Variants in C18orf32 observed in about 807,000 individuals in gnomAD.
The protein encoded by C18orf32 is UPF0729 protein C18orf32.
In C18orf32, 5 loss-of-function variants were observed where a neutral mutation model predicts 7.4. The ratio of observed to expected loss-of-function variants is 0.68; its 90% CI spans 0.35 to 1.42. The LOEUF (loss-of-function observed/expected upper bound fraction) is 1.42, where lower values mean the gene tolerates loss of function less well. C18orf32 is among the 40% of genes most tolerant of loss of function. C18orf32 has a pLI of 0.04. For missense variants in C18orf32, 88 were observed against 92.4 expected, an observed-to-expected ratio of 0.95 and a Z score of 0.19; for synonymous variants, 30 against 29.3, an observed-to-expected ratio of 1.02 and a Z score of -0.08.
rs1662364610 is a variant in C18orf32 at position 49,478,776 on chromosome 18, G to T, written c.*3569C>A. 1 of 150,314 alleles carries T rather than the reference G, an allele frequency of 6.7e-6. No individual in the cohort carries two copies. Among genetic ancestry groups the T allele is most frequent in the African/African-American group, 2.5e-5 (1 of 39,682 alleles). The allele number at this position is 150,314 out of a possible 1,614,324, so 9.3% of individuals were successfully genotyped here. ...CAGTGGCTACCAACTCCAGCCCATG[G>T]ATAACTGATAAAAGCTTTTAACAAT... On this transcript the variant is annotated 3_prime_UTR_variant, in exon 3 of 3. Transcript: ENST00000318240.
Position 49,477,811 on chromosome 18 carries a change from T to TATACAC in C18orf32, c.*4533_*4534insGTGTAT, listed in dbSNP as rs143285813. On this transcript the variant is annotated 3_prime_UTR_variant, in exon 3 of 3. Transcript: ENST00000318240. ...ACAAACAAACAAAAATATATATATATACACACACTATATATATATACACAT... is the reference window on the plus strand; with the variant it reads ...ACAAACAAACAAAAATATATATATATATACACACACACACTATATATATATACACAT... 8.8e-6 allele frequency: 1 copy of TATACAC among 113,366 alleles called. No individual in the cohort carries two copies. The highest frequency in any genetic ancestry group is 9.8e-5 in the Admixed American group (1 of 10,232). The allele number at this position is 113,366 out of a possible 1,614,324, so 7.0% of individuals were successfully genotyped here.
chr18:49,486,487 T>C (rs2083747903), intron 1 of C18orf32: 1 of 152,114 alleles, frequency 6.6e-6, no homozygotes, highest in East Asian at 1.9e-4. Flanking sequence ...TGAAGCCTAT[T>C]TGTATCTTAT....
chr18:49,482,641 C>T (rs1413276193), intron 2 of C18orf32, among the ~76,000 whole-genome samples: 1 of 151,092 alleles, frequency 6.6e-6, no homozygotes, highest in African/African-American at 2.4e-5. Flanking sequence ...GCAGGAGAAT[C>T]GTTTGAACCT....
chr18:49,483,875 G>T (rs889100365), intron 1 of C18orf32, 104 bp from the exon 2 acceptor site: 89 of 1,345,122 alleles, frequency 6.6e-5, no homozygotes, highest in Non-Finnish European at 8.6e-5. Flanking sequence ...GGTGGCTCAC[G>T]CCTGTAATCC....
At chr18:49,486,256 T>C (rs940390905) in intron 1 of C18orf32, 2 of 152,130 alleles carry the variant, frequency 1.3e-5, no homozygotes, top group African/African-American at 4.8e-5. Flanking sequence ...TTTACCAAAC[T>C]TTCCAAACCA....
chr18:49,482,494 T>TCAA, intron 2 of C18orf32, 84 bp from the exon 3 acceptor site: 20 of 899,978 alleles, frequency 2.2e-5, no homozygotes, highest in South Asian at 7.0e-5. Context: ...TTTGGGAGGC[T>TCAA]GAGGCAGGCA....
chr18:49,481,741 G>GT lies in C18orf32; in HGVS notation c.*603dup, dbSNP rs1310318560. The GT allele has an allele frequency of 6.6e-6, 1 of 152,206 alleles. No homozygotes were observed. Among genetic ancestry groups the GT allele is most frequent in the Non-Finnish European group, 1.5e-5 (1 of 68,052 alleles). 9.4% of individuals were successfully genotyped at this position (152,206 alleles called of 1,614,324 possible). A position where few individuals can be genotyped will look rare whatever the true frequency, so the allele number is the denominator to read the frequency against. ...TAAAATTTTATAATTAGACATTAATGTAACAGATGTTTCATTTTTCAAAGA... is the reference window on the plus strand; with the variant it reads ...TAAAATTTTATAATTAGACATTAATGTTAACAGATGTTTCATTTTTCAAAGA... On this transcript the variant is annotated 3_prime_UTR_variant, in exon 3 of 3. Transcript: ENST00000318240.
At position 49,483,771 on chromosome 18, in the gene C18orf32, AC is replaced by A. The variant is rs1249244734; in HGVS notation, c.-23-1del. ...CATTTTCCCAAGCTTGAGCTCCTCA[AC>A]TGTTGATATATGTGAAGAAAAAAAT... On this transcript the variant is annotated splice_acceptor_variant, in intron 1 of 2. Coordinates refer to ENST00000318240, the MANE Select transcript of C18orf32 (RefSeq NM_001035005.4). LOFTEE classifies it low-confidence loss of function (5UTR_SPLICE). 2 of 1,597,090 alleles carry A rather than the reference AC, an allele frequency of 1.3e-6. No homozygotes were observed. Among genetic ancestry groups the A allele is most frequent in the South Asian group, 2.3e-5 (2 of 87,362 alleles).
rs891310719 is a variant in C18orf32 at position 49,478,975 on chromosome 18, T to C, written c.*3370A>G. 3 of 152,220 alleles carry C rather than the reference T, an allele frequency of 2.0e-5. No individual in the cohort carries two copies. Among genetic ancestry groups the C allele is most frequent in the African/African-American group, 7.2e-5 (3 of 41,454 alleles). The allele number at this position is 152,220 out of a possible 1,614,324, so 9.4% of individuals were successfully genotyped here. ...AATACTGGTAATAAATTGTAGCTTT[T>C]TGATATACTCCTGCTTGGAAAAATC... On this transcript the variant is annotated 3_prime_UTR_variant, in exon 3 of 3. Coordinates refer to ENST00000318240, the MANE Select transcript of C18orf32 (RefSeq NM_001035005.4).
rs61746384 is a variant in C18orf32 at position 49,487,209 on chromosome 18, G to T, written c.-190C>A. On this transcript the variant is annotated 5_prime_UTR_variant, in exon 1 of 3. Coordinates refer to ENST00000318240, the MANE Select transcript of C18orf32 (RefSeq NM_001035005.4). Reference sequence around the variant, plus strand: ...GCCGCTAGCCCGGGCACACTCACCCGCGACCGCGGAAACGCAGCTGACAAT... The same window carrying T: ...GCCGCTAGCCCGGGCACACTCACCCTCGACCGCGGAAACGCAGCTGACAAT... 2.6e-5 allele frequency: 4 copies of T among 152,852 alleles called. No homozygotes were observed. The highest frequency in any genetic ancestry group is 4.4e-5 in the Non-Finnish European group (3 of 68,276). The allele number at this position is 152,852 out of a possible 1,614,324, so 9.5% of individuals were successfully genotyped here.
At chr18:49,485,983 G>A (rs1405806044) in intron 1 of C18orf32, 1 of 151,350 alleles carries the variant, frequency 6.6e-6, no homozygotes, top group Non-Finnish European at 1.5e-5. Flanking sequence ...GGGAGCTGAG[G>A]AAGGAGAGAA....
chr18:49,483,470 T>A, intron 2 of C18orf32, 114 bp downstream of exon 2: 1 of 1,323,954 alleles, frequency 7.6e-7, no homozygotes, highest in Non-Finnish European at 1.0e-6. Context: ...AAGCCAAATG[T>A]TACACAAACT....
At position 49,482,242 on chromosome 18, in the gene C18orf32, T is replaced by C. The variant is rs1399310451; in HGVS notation, c.*103A>G. 3 of 815,564 alleles carry C rather than the reference T, an allele frequency of 3.7e-6. No homozygotes were observed. The highest frequency in any genetic ancestry group is 6.4e-6 in the Non-Finnish European group (3 of 471,450). The allele number at this position is 815,564 out of a possible 1,614,324, so 50.5% of individuals were successfully genotyped here. ...CAGGTAAATATCTAGACTCCTATCC[T>C]GAATTCCGGTCTCAGATAAAAAGGT... On this transcript the variant is annotated 3_prime_UTR_variant, in exon 3 of 3. Coordinates refer to ENST00000318240, the MANE Select transcript of C18orf32 (RefSeq NM_001035005.4).
chr18:49,477,534 CT>C lies in C18orf32; in HGVS notation c.*4810del, dbSNP rs2083628861. 6.6e-6 allele frequency: 1 copy of C among 150,412 alleles called. No individual in the cohort carries two copies. The highest frequency in any genetic ancestry group is 2.5e-5 in the African/African-American group (1 of 39,670). 9.3% of individuals were successfully genotyped at this position (150,412 alleles called of 1,614,324 possible). On this transcript the variant is annotated 3_prime_UTR_variant, in exon 3 of 3. Transcript: ENST00000318240. Reference sequence around the variant, plus strand: ...AGTGCTTATGCCTGTGATCCCAGCACTTTGGGAGGCCAAGGCAGGCAGATCA... The same window carrying C: ...AGTGCTTATGCCTGTGATCCCAGCACTTGGGAGGCCAAGGCAGGCAGATCA...
At position 49,483,785 on chromosome 18, in the gene C18orf32, T is replaced by C; in HGVS notation, c.-23-14A>G. 6.3e-7 allele frequency: 1 copy of C among 1,579,898 alleles called. No homozygotes were observed. The highest frequency in any genetic ancestry group is 1.2e-5 in the South Asian group (1 of 84,992). On this transcript the variant is annotated splice_polypyrimidine_tract_variant and intron_variant, in intron 1 of 2. Transcript: ENST00000318240. The stretch of plus-strand genomic sequence containing the variant: ...TGAGCTCCTCAACTGTTGATATATG[T>C]GAAGAAAAAAATTAGTTCATCACAG...
rs185877225 is a variant in C18orf32 at position 49,482,051 on chromosome 18, T to C, written c.*294A>G. 243 of 294,488 alleles carry C rather than the reference T, an allele frequency of 8.3e-4. 1 individual carries two copies. Among genetic ancestry groups the C allele is most frequent in the South Asian group, 6.9e-3 (163 of 23,622 alleles). 18.2% of individuals were successfully genotyped at this position (294,488 alleles called of 1,614,324 possible). On this transcript the variant is annotated 3_prime_UTR_variant, in exon 3 of 3. Transcript: ENST00000318240. Reference sequence around the variant, plus strand: ...AACCAAAGATTTTAAAGTGCTGATTTAGTAACATAATGTCTACTGGCACAA... The same window carrying C: ...AACCAAAGATTTTAAAGTGCTGATTCAGTAACATAATGTCTACTGGCACAA...
chr18:49,480,046 G>T lies in C18orf32; in HGVS notation c.*2299C>A, dbSNP rs1281819698. 1 of 152,260 alleles carries T rather than the reference G, an allele frequency of 6.6e-6. No homozygotes were observed. 9.4% of individuals were successfully genotyped at this position (152,260 alleles called of 1,614,324 possible). A position where few individuals can be genotyped will look rare whatever the true frequency, so the allele number is the denominator to read the frequency against. On this transcript the variant is annotated 3_prime_UTR_variant, in exon 3 of 3. Coordinates refer to ENST00000318240, the MANE Select transcript of C18orf32 (RefSeq NM_001035005.4). ...TGATGGCTCAAAATATAACAGTATA[G>T]CCAGGCAGTGGCTCATGCCTGTAAT...
In C18orf32 at chr18:49,483,704, G is replaced by C; in HGVS notation, c.45C>G (p.Ile15Met). 1.2e-6 allele frequency: 2 copies of C among 1,613,632 alleles called. No homozygotes were observed. The highest frequency in any genetic ancestry group is 1.7e-6 in the Non-Finnish European group (2 of 1,179,932). ...PCIVIPVLLW[I>M]YKKFLEPYIY... ...TATATGGCTCCAGGAATTTTTTGTAGATCCAGAGCAGAACTGGAATGACGA... is the reference window on the plus strand; with the variant it reads ...TATATGGCTCCAGGAATTTTTTGTACATCCAGAGCAGAACTGGAATGACGA... The change falls in exon 2 of 3, where the codon ATC becomes ATG. Residue 15 changes from isoleucine to methionine, a missense_variant. Coordinates refer to ENST00000318240, the MANE Select transcript of C18orf32 (RefSeq NM_001035005.4).
Position 49,482,373 on chromosome 18 carries a change from GT to G in C18orf32, c.202del (p.Thr68GlnfsTer20). ...DMNGLPTKGP[T>X]EICDKKKD ...GTCTTTCTTTTTATCACAGATTTCT[GT>G]TGGTCCTTTTGTTGGTAATCCATTC... is the stretch of plus-strand genomic sequence containing the variant. On this transcript the variant is annotated frameshift_variant, in exon 3 of 3. Transcript: ENST00000318240. LOFTEE classifies it high-confidence loss of function. 6.2e-7 allele frequency: 1 copy of G among 1,612,834 alleles called. No individual in the cohort carries two copies. Among genetic ancestry groups the G allele is most frequent in the Non-Finnish European group, 8.5e-7 (1 of 1,179,278 alleles).
Sources: allele counts gnomAD v4.1 joint callset (sites outside exome capture counted in the v4.1 genomes callset), GRCh38; gene constraint gnomAD v4.1.1; transcripts MANE v1.5; gene names NCBI Gene and HGNC (gene_info 2026-07-23, HGNC 2026-07-21).